Variants in IL4R observed in about 807,000 individuals in gnomAD.
IL4R encodes the protein interleukin-4 receptor subunit alpha.
IL4R carries 17 observed loss-of-function variants against 41.5 expected under a neutral mutation model. The ratio of observed to expected loss-of-function variants is 0.41; its 90% CI spans 0.28 to 0.61. The LOEUF is 0.61. IL4R is among the 20% of genes least tolerant of loss of function. The pLI, the probability that IL4R is intolerant of heterozygous loss-of-function variation, is 0.31. For missense variants in IL4R, 974 were observed against 1,043.1 expected, an observed-to-expected ratio of 0.93 and a Z score of 0.91; for synonymous variants, 402 against 422.9, an observed-to-expected ratio of 0.95 and a Z score of 0.61.
chr16:27,334,779 C>T (rs540812789), intron 2 of IL4R, among the ~76,000 whole-genome samples: 126 of 152,196 alleles, frequency 8.3e-4, no homozygotes, highest in Non-Finnish European at 1.5e-3. Context: ...GCAAGGAAGA[C>T]GAGTTCAACC....
Position 27,363,894 on chromosome 16 carries a change from G to C in IL4R, c.*64G>C. On this transcript the variant is annotated 3_prime_UTR_variant, in exon 11 of 11. Coordinates refer to ENST00000395762, the MANE Select transcript of IL4R (RefSeq NM_000418.4). ...TAGGGCTTATCCATGCCTGGGAAAT[G>C]CCACCTCCTGGAAGGCAGCCAGGCT... The C allele has an allele frequency of 6.6e-7, 1 of 1,510,068 alleles. No homozygotes were observed. The highest frequency in any genetic ancestry group is 1.3e-5 in the South Asian group (1 of 77,952). The allele number at this position is 1,510,068 out of a possible 1,614,324, so 93.5% of individuals were successfully genotyped here. A position where few individuals can be genotyped will look rare whatever the true frequency, so the allele number is the denominator to read the frequency against.
chr16:27,340,268 G>A lies in IL4R; in HGVS notation c.65G>A (p.Ser22Asn). 8 of 1,613,340 alleles carry A rather than the reference G, an allele frequency of 5.0e-6. No homozygotes were observed. Among genetic ancestry groups the A allele is most frequent in the African/African-American group, 1.3e-5 (1 of 75,022 alleles). The change falls in exon 3 of 11, where the codon AGC becomes AAC. Residue 22 changes from serine to asparagine, a missense_variant. By Grantham distance (46) the Ser-to-Asn change is conservative. Transcript: ENST00000395762. The stretch of plus-strand genomic sequence containing the variant: ...TGCCTGGTCCTGCTGCAGGTGGCAA[G>A]CTCTGGTAAGTCACCACTTCTCAAT... ...VSCLVLLQVA[S>N]SGNMKVLQEP... is the part of the protein sequence containing the mutation.
At chr16:27,347,752 C>T (rs1434807547) in intron 6 of IL4R, among the ~76,000 whole-genome samples, 3 of 152,232 alleles carry the variant, frequency 2.0e-5, no homozygotes, top group Admixed American at 1.3e-4. Flanking sequence ...CCAATGCCTG[C>T]TGTGCCACTC....
rs751578962 is a variant in IL4R at position 27,352,677 on chromosome 16, C to T, written c.651C>T (p.Pro217=). Residue 217 remains proline (P), a synonymous_variant, in exon 7 of 11, where the codon CCC becomes CCT. Coordinates refer to ENST00000395762, the MANE Select transcript of IL4R (RefSeq NM_000418.4). ...ACACCACCTGGAGTGAGTGGAGCCC[C>T]AGCACCAAGTGGCACAACTGTGAGT... ...CYNTTWSEWS[P]STKWHNSYRE... is the part of the protein sequence containing the mutation. The T allele has an allele frequency of 1.2e-5, 19 of 1,614,032 alleles. No homozygotes were observed. Among genetic ancestry groups the T allele is most frequent in the Non-Finnish European group, 1.5e-5 (18 of 1,180,016 alleles).
intron 1 of IL4R, among the ~76,000 whole-genome samples, chr16:27,317,890 G>A (rs979105466): frequency 2.0e-5 from 3 of 152,170 alleles, no homozygotes; most frequent in Non-Finnish European, 2.9e-5. Context: ...ATTTTGGACC[G>A]AGTCCCTTCT....
At position 27,362,665 on chromosome 16, in the gene IL4R, G is replaced by A. The variant is rs2086340510; in HGVS notation, c.1313G>A (p.Ser438Asn). 6.2e-7 allele frequency: 1 copy of A among 1,614,174 alleles called. No individual in the cohort carries two copies. The highest frequency in any genetic ancestry group is 8.5e-7 in the Non-Finnish European group (1 of 1,180,024). ...TCATGCCTTCTTCCACCTTCGGGAA[G>A]TACGAGTGCTCACATGCCCTGGGAT... ...GESCLLPPSG[S>N]TSAHMPWDEF... The change falls in exon 11 of 11, where the codon AGT becomes AAT. Residue 438 changes from serine (S) to asparagine (N), a missense_variant. Coordinates refer to ENST00000395762, the MANE Select transcript of IL4R (RefSeq NM_000418.4).
At chr16:27,360,205 G>T (rs1358582666) in intron 9 of IL4R, among the ~76,000 whole-genome samples, 1 of 152,102 alleles carries the variant, frequency 6.6e-6, no homozygotes, top group African/African-American at 2.4e-5. Flanking sequence ...ATAGAGATGG[G>T]GTTTCTTCAT....
At chr16:27,356,214 C>T (rs1464347708) in intron 8 of IL4R, among the ~76,000 whole-genome samples, 1 of 151,780 alleles carries the variant, frequency 6.6e-6, no homozygotes, top group African/African-American at 2.4e-5. Context: ...GCCTCAGCCT[C>T]CAGAGTAGCT....
rs2086359696 is a variant in IL4R at position 27,363,046 on chromosome 16, C to A, written c.1694C>A (p.Ala565Glu). The A allele has an allele frequency of 6.2e-7, 1 of 1,614,164 alleles. No homozygotes were observed. Among genetic ancestry groups the A allele is most frequent in the African/African-American group, 1.3e-5 (1 of 75,074 alleles). ...AATGTCCTCCAGCATGGGGCAGCTG[C>A]AGCCCCCGTCTCGGCCCCCACCAGT... ...RRNVLQHGAA[A>E]APVSAPTSGY... Residue 565 changes from alanine (A) to glutamate (E), a missense_variant, in exon 11 of 11, where the codon GCA becomes GAA. By Grantham distance (107) the Ala-to-Glu change is moderately radical. Coordinates refer to ENST00000395762, the MANE Select transcript of IL4R (RefSeq NM_000418.4).
intron 7 of IL4R, 127 bp from the exon 8 acceptor site, chr16:27,355,681 G>A (rs1333054975): frequency 4.8e-6 from 3 of 626,808 alleles, no homozygotes; most frequent in South Asian, 1.8e-5. Context: ...AGGTGGAGGG[G>A]TGGTCGGCGG....
chr16:27,350,843 A>T (rs908116176), intron 6 of IL4R, among the ~76,000 whole-genome samples: 12 of 152,182 alleles, frequency 7.9e-5, no homozygotes, highest in African/African-American at 2.4e-4. Context: ...TCTTGCCAGA[A>T]GGGAAAGGGA....
chr16:27,339,693 G>A (rs923405290), intron 2 of IL4R, among the ~76,000 whole-genome samples: 1 of 152,072 alleles, frequency 6.6e-6, no homozygotes, highest in African/African-American at 2.4e-5. Flanking sequence ...TGTGGGTCTG[G>A]GTGTTGTTTC....
intron 10 of IL4R, among the ~76,000 whole-genome samples, chr16:27,361,586 T>C (rs571918084): frequency 9.4e-5 from 14 of 149,700 alleles, no homozygotes; most frequent in Non-Finnish European, 2.1e-4. Context: ...TCCAGGACCC[T>C]GCTTCAACCC....
intron 2 of IL4R, among the ~76,000 whole-genome samples, chr16:27,336,209 A>C (rs1450257662): frequency 6.6e-6 from 1 of 152,146 alleles, no homozygotes; most frequent in Non-Finnish European, 1.5e-5. Context: ...CAGTTGGGCA[A>C]AGTCATCTAA....
At chr16:27,328,622 G>T (rs901738730) in intron 1 of IL4R, among the ~76,000 whole-genome samples, 1 of 152,166 alleles carries the variant, frequency 6.6e-6, no homozygotes, top group African/African-American at 2.4e-5. Context: ...CACTGTTTCA[G>T]GCACTGGGGA....
Position 27,345,309 on chromosome 16 carries a change from G to T in IL4R, c.361+289G>T, listed in dbSNP as rs2085602847. 1 of 532,102 alleles carries T rather than the reference G, an allele frequency of 1.9e-6. No individual in the cohort carries two copies. The highest frequency in any genetic ancestry group is 1.6e-5 in the South Asian group (1 of 61,556). 33.0% of individuals were successfully genotyped at this position (532,102 alleles called of 1,614,324 possible). ...TGAGATGAGGTGTGCTTGCTGGAAGGCATGCCTGCTGCTGATTGAAAACCG... is the reference window on the plus strand; with the variant it reads ...TGAGATGAGGTGTGCTTGCTGGAAGTCATGCCTGCTGCTGATTGAAAACCG... On this transcript the variant is annotated intron_variant, in intron 5 of 10. Transcript: ENST00000395762. The surrounding 1 kb of genome is among the most constrained non-coding windows in gnomAD (Gnocchi z 4.5).
chr16:27,356,084 C>T (rs903930868), intron 8 of IL4R, among the ~76,000 whole-genome samples, 177 bp downstream of exon 8: 1 of 113,734 alleles, frequency 8.8e-6, no homozygotes, highest in African/African-American at 3.4e-5. Context: ...CCACTTTTTT[C>T]TTTTTTTTTT....
At chr16:27,347,441 T>C (rs2085691366) in intron 6 of IL4R, among the ~76,000 whole-genome samples, 1 of 152,200 alleles carries the variant, frequency 6.6e-6, no homozygotes, top group African/African-American at 2.4e-5. Context: ...TCCACTCGCC[T>C]TGGCCTCCCA....
In IL4R at chr16:27,328,205, C is replaced by CAAAAAAAAAAAAAA. The variant is rs779355998; in HGVS notation, c.-151-1856_-151-1843dup. Among the ~76,000 whole-genome samples the CAAAAAAAAAAAAAA allele has an allele frequency of 1.7e-3, 123 of 70,478 alleles. 1 individual carries two copies. The highest frequency in any genetic ancestry group is 5.6e-3 in the African/African-American group (111 of 19,800). 46.2% of individuals were successfully genotyped at this position (70,478 alleles called of 152,430 possible). On this transcript the variant is annotated intron_variant, in intron 1 of 10. Transcript: ENST00000395762. Reference sequence around the variant, plus strand: ...CTGGTGACAAAGCTAGGCTCCATCTCAAAAAAAAAAAAAAAAAAGATTGTT... The same window carrying CAAAAAAAAAAAAAA: ...CTGGTGACAAAGCTAGGCTCCATCTCAAAAAAAAAAAAAAAAAAAAAAAAAAAAAAAAGATTGTT...
Sources: gnomAD v4.1 joint callset for allele counts (sites outside exome capture counted in the v4.1 genomes callset) on GRCh38, gnomAD v4.1.1 for gene constraint, Gnocchi (gnomAD v3.1) non-coding constraint, MANE v1.5 for transcripts, NCBI Gene and HGNC (gene_info 2026-07-23, HGNC 2026-07-21) for gene names.